The following SEMA5A variants were observed in gnomAD, a reference collection of about 807,000 sequenced individuals.
The protein encoded by SEMA5A is semaphorin 5A, also known as semaphorin-5A.
Under a neutral mutation model 135.5 loss-of-function variants are expected in SEMA5A, and 55 were observed. The observed-to-expected ratio is 0.41, with a 90% CI of 0.33 to 0.51. SEMA5A has a LOEUF of 0.51. Among genes scored for constraint, SEMA5A ranks in the 20% least tolerant of loss-of-function variants. The pLI, the probability that SEMA5A is intolerant of heterozygous loss-of-function variation, is 0.37. For synonymous variants in SEMA5A, 580 were observed against 546.5 expected, an observed-to-expected ratio of 1.06 and a Z score of -0.85; for missense variants, 1,290 against 1,419.9, an observed-to-expected ratio of 0.91 and a Z score of 1.47.
chr5:9,505,140 CAA>C (rs201153184), intron 1 of SEMA5A, among the ~76,000 whole-genome samples: 11 of 141,048 alleles, frequency 7.8e-5, no homozygotes, highest in African/African-American at 2.6e-4. Flanking sequence ...AATTCTAAAA[CAA>C]AAAAAAAAAA....
At chr5:9,176,939 C>A (rs1365503627) in intron 11 of SEMA5A, among the ~76,000 whole-genome samples, 2 of 152,064 alleles carry the variant, frequency 1.3e-5, no homozygotes, top group Non-Finnish European at 2.9e-5. Flanking sequence ...TAAAATATAC[C>A]CCATTGCTTA....
At chr5:9,328,632 C>T (rs1289762265) in intron 4 of SEMA5A, among the ~76,000 whole-genome samples, 1 of 152,012 alleles carries the variant, frequency 6.6e-6, no homozygotes, top group Admixed American at 6.6e-5. Context: ...TACAATTAGC[C>T]GGATATGGTG....
chr5:9,088,635 A>AT (rs1561140770), intron 16 of SEMA5A, among the ~76,000 whole-genome samples: 2,361 of 80,692 alleles, frequency 0.029, 152 homozygotes, highest in African/African-American at 0.14. Flanking sequence ...GCCTACATTT[A>AT]TAATATATAT....
At position 9,230,174 on chromosome 5, in the gene SEMA5A, T is replaced by C. The variant is rs1337080685; in HGVS notation, c.334-3207A>G. The stretch of plus-strand genomic sequence containing the variant: ...TATTTTTTTCTTTTTTTTTTTTTTT[T>C]TTTTTTGTAGGGTCAAGGACTCATT... On this transcript the variant is annotated intron_variant, in intron 6 of 22. Transcript: ENST00000382496. Among the ~76,000 whole-genome samples the C allele has an allele frequency of 5.5e-5, 8 of 146,362 alleles. No homozygotes were observed. In the East Asian group the frequency reaches 1.4e-3, roughly 25 times the overall value.
At chr5:9,432,487 A>G (rs1757892689) in intron 2 of SEMA5A, among the ~76,000 whole-genome samples, 1 of 151,988 alleles carries the variant, frequency 6.6e-6, no homozygotes, top group Non-Finnish European at 1.5e-5. Flanking sequence ...TCTAGTTTAA[A>G]CCCCTCATTA....
intron 5 of SEMA5A, among the ~76,000 whole-genome samples, chr5:9,299,898 G>T (rs1751527258): frequency 6.6e-6 from 1 of 152,130 alleles, no homozygotes; most frequent in African/African-American, 2.4e-5. Context: ...GAGTTTTAAG[G>T]CCCCTCAGTG....
intron 12 of SEMA5A, among the ~76,000 whole-genome samples, chr5:9,145,081 C>G (rs928496655): frequency 1.6e-4 from 24 of 151,600 alleles, no homozygotes; most frequent in Admixed American, 1.5e-3. Context: ...TTTTGACTTA[C>G]ATCTAGGACA....
intron 11 of SEMA5A, among the ~76,000 whole-genome samples, chr5:9,168,781 G>A (rs1215718997): frequency 6.6e-6 from 1 of 152,180 alleles, no homozygotes; most frequent in African/African-American, 2.4e-5. Context: ...ACAAGAGGTG[G>A]AGGGAATATT....
At chr5:9,541,193 T>G (rs555441618) in intron 1 of SEMA5A, among the ~76,000 whole-genome samples, 7 of 152,360 alleles carry the variant, frequency 4.6e-5, no homozygotes, top group Non-Finnish European at 7.3e-5. Flanking sequence ...ACAAATATAG[T>G]ATTATTTCAC....
chr5:9,418,395 T>C (rs886791107), intron 2 of SEMA5A, among the ~76,000 whole-genome samples: 1 of 152,170 alleles, frequency 6.6e-6, no homozygotes, highest in African/African-American at 2.4e-5. Flanking sequence ...TTTCAACATA[T>C]GCATTTTGAG....
intron 21 of SEMA5A, among the ~76,000 whole-genome samples, chr5:9,048,661 C>G (rs1342651100): frequency 6.6e-6 from 1 of 152,172 alleles, no homozygotes; most frequent in Non-Finnish European, 1.5e-5. Context: ...TTCCAAAACC[C>G]TTCTCTATTT....
rs775398823 is a variant in SEMA5A, at chr5:9,485,977, A to G, written c.-174-48125T>C. Among the ~76,000 whole-genome samples the G allele has an allele frequency of 1.9e-4, 29 of 152,300 alleles. No individual in the cohort carries two copies. In the Middle Eastern group the frequency reaches 0.017, roughly 89 times the overall value. On this transcript the variant is annotated intron_variant, in intron 1 of 22. Coordinates refer to ENST00000382496, the MANE Select transcript of SEMA5A (RefSeq NM_003966.3). ...GCATATTTTAGAAATAAAAAATAGG[A>G]TTATTTGTAATTTCAAAAATATAAA...
intron 11 of SEMA5A, among the ~76,000 whole-genome samples, chr5:9,179,721 C>G (rs549912536): frequency 6.6e-6 from 1 of 152,142 alleles, no homozygotes; most frequent in South Asian, 2.1e-4. Flanking sequence ...TTTAATCGGG[C>G]CTAAAACAAA....
intron 11 of SEMA5A, among the ~76,000 whole-genome samples, chr5:9,188,598 C>A (rs907615959): frequency 1.3e-5 from 2 of 152,092 alleles, no homozygotes; most frequent in African/African-American, 4.8e-5. Context: ...TCCTCAACTG[C>A]CTCCTAGAAT....
intron 12 of SEMA5A, among the ~76,000 whole-genome samples, chr5:9,152,087 C>A (rs188753734): frequency 2.0e-5 from 3 of 152,136 alleles, no homozygotes; most frequent in Non-Finnish European, 4.4e-5. Context: ...AGAGGCTGAG[C>A]GATTATGACC....
chr5:9,221,299 C>CTTT (rs869063755), intron 8 of SEMA5A, among the ~76,000 whole-genome samples: 20 of 103,214 alleles, frequency 1.9e-4, no homozygotes, highest in African/African-American at 4.0e-4. Flanking sequence ...CGAACATTTT[C>CTTT]TTTTTTTTTT....
At position 9,426,573 on chromosome 5, in the gene SEMA5A, C is replaced by A. The variant is rs75655545; in HGVS notation, c.-78+11183G>T. Among the ~76,000 whole-genome samples, 359 of 152,108 alleles carry A rather than the reference C, an allele frequency of 2.4e-3. 3 individuals are homozygous for A. The highest frequency in any genetic ancestry group is 7.8e-3 in the African/African-American group (323 of 41,502). Reference sequence around the variant, plus strand: ...TTTGGCTGCAAACACAGATGACTACCGCAGGCCCGTGGAGGTGACCCAGGA... The same window carrying A: ...TTTGGCTGCAAACACAGATGACTACAGCAGGCCCGTGGAGGTGACCCAGGA... On this transcript the variant is annotated intron_variant, in intron 2 of 22. Transcript: ENST00000382496.
chr5:9,272,165 G>A (rs1750009028), intron 5 of SEMA5A, among the ~76,000 whole-genome samples: 2 of 152,090 alleles, frequency 1.3e-5, no homozygotes, highest in Admixed American at 1.3e-4. Context: ...GTGGGACGCT[G>A]GAGCTTGGTG....
At chr5:9,062,121 G>T (rs1292349348) in intron 18 of SEMA5A, among the ~76,000 whole-genome samples, 1 of 152,126 alleles carries the variant, frequency 6.6e-6, no homozygotes, top group Non-Finnish European at 1.5e-5. Context: ...GTAGCTCATA[G>T]GAAAGTTTTA....
Sources: gnomAD v4.1 joint callset for allele counts (sites outside exome capture counted in the v4.1 genomes callset) on GRCh38, gnomAD v4.1.1 for gene constraint, MANE v1.5 for transcripts, NCBI Gene and HGNC (gene_info 2026-07-23, HGNC 2026-07-21) for gene names.